The following GPR65 variants were observed in gnomAD, a reference collection of about 807,000 sequenced individuals.
The protein encoded by GPR65 is G protein-coupled receptor 65.
A neutral mutation model predicts 0.7 loss-of-function variants in GPR65; 2 were observed. That is an observed-to-expected ratio of 2.83 (90% CI 1.16 to 8.92). The LOEUF (loss-of-function observed/expected upper bound fraction) is 8.92, where lower values mean the gene tolerates loss of function less well. GPR65 is among the 30% of genes most tolerant of loss of function. GPR65 has a pLI of 0.04. For missense variants in GPR65, 379 were observed against 399.4 expected (o/e 0.95, Z 0.43); for synonymous variants, 128 against 146.5 (o/e 0.87, Z 0.91).
chr14:88,008,638 T>C (rs931784992), intron 1 of GPR65, among the ~76,000 whole-genome samples: 1 of 152,220 alleles, frequency 6.6e-6, no homozygotes, highest in Non-Finnish European at 1.5e-5. Flanking sequence ...GGTTAACATA[T>C]GTATGCGTTT....
At chr14:88,008,789 A>G (rs1473543224) in intron 1 of GPR65, among the ~76,000 whole-genome samples, 1 of 151,862 alleles carries the variant, frequency 6.6e-6, no homozygotes, top group Non-Finnish European at 1.5e-5. Flanking sequence ...TTTTCATTTC[A>G]TTTGTTGTGT....
chr14:88,010,416 C>A lies in GPR65; in HGVS notation c.-432C>A. On this transcript the variant is annotated 5_prime_UTR_variant, in exon 2 of 2. Transcript: ENST00000267549. ...GGAAAGGAATTTTAAAAGGAAATAC[C>A]AATCTCTGTGCAAACAAAGCCTTGT... is the stretch of plus-strand genomic sequence containing the variant. 1 of 156,616 alleles carries A rather than the reference C, an allele frequency of 6.4e-6. No homozygotes were observed. The highest frequency in any genetic ancestry group is 1.4e-5 in the Non-Finnish European group (1 of 70,644). The allele number at this position is 156,616 out of a possible 1,614,324, so 9.7% of individuals were successfully genotyped here.
At chr14:88,006,658 G>C (rs148432113) in intron 1 of GPR65, among the ~76,000 whole-genome samples, 1 of 151,922 alleles carries the variant, frequency 6.6e-6, no homozygotes, top group African/African-American at 2.4e-5. Flanking sequence ...TGAGTAACAC[G>C]GACAAAGGAG....
rs756976703 is a variant in GPR65, at chr14:88,011,895, A to C, written c.*34A>C. On this transcript the variant is annotated 3_prime_UTR_variant, in exon 2 of 2. Coordinates refer to ENST00000267549, the MANE Select transcript of GPR65 (RefSeq NM_003608.4). ...ATGTTTTGAAGGGAAGGGAAGTTTAAGTTATGCATTATTATATCATCAAGA... is the reference window on the plus strand; with the variant it reads ...ATGTTTTGAAGGGAAGGGAAGTTTACGTTATGCATTATTATATCATCAAGA... 13 of 1,413,102 alleles carry C rather than the reference A, an allele frequency of 9.2e-6. No individual in the cohort carries two copies. The East Asian group carries it at 2.5e-4, about 27-fold the overall frequency. The allele number at this position is 1,413,102 out of a possible 1,614,324, so 87.5% of individuals were successfully genotyped here.
At chr14:88,007,282 A>G (rs552386428) in intron 1 of GPR65, among the ~76,000 whole-genome samples, 35 of 152,148 alleles carry the variant, frequency 2.3e-4, no homozygotes, top group Non-Finnish European at 4.9e-4. Flanking sequence ...TCCATCCTCA[A>G]GATTCCTTCA....
rs571054746 is a variant in GPR65 at position 88,011,258 on chromosome 14, C to T, written c.411C>T (p.Ser137=). 1 of 1,613,884 alleles carries T rather than the reference C, an allele frequency of 6.2e-7. No individual in the cohort carries two copies. Among genetic ancestry groups the T allele is most frequent in the African/African-American group, 1.3e-5 (1 of 75,026 alleles). ...TRRFALMVSL[S]IWILETIFNA... is the part of the protein sequence containing the mutation. ...GATTTGCACTCATGGTCAGCCTGTC[C>T]ATCTGGATATTGGAAACCATCTTCA... The change falls in exon 2 of 2, where the codon TCC becomes TCT. Residue 137 remains serine (S), a synonymous_variant. Transcript: ENST00000267549.
chr14:88,011,703 G>A lies in GPR65; in HGVS notation c.856G>A (p.Asp286Asn). Residue 286 changes from aspartate (D) to asparagine (N), a missense_variant, in exon 2 of 2, where the codon GAT (aspartate) becomes AAT (asparagine). Asp to Asn is a conservative substitution (Grantham distance 23). Coordinates refer to ENST00000267549, the MANE Select transcript of GPR65 (RefSeq NM_003608.4). ...VALTSLNCVADPILYCFVTET... is the reference protein window; with the variant it reads ...VALTSLNCVANPILYCFVTET... ...ATTAACAAGTTTAAATTGTGTTGCT[G>A]ATCCAATTCTGTACTGTTTTGTAAC... 6.2e-7 allele frequency: 1 copy of A among 1,613,856 alleles called. No homozygotes were observed. Among genetic ancestry groups the A allele is most frequent in the Non-Finnish European group, 8.5e-7 (1 of 1,179,804 alleles).
chr14:88,007,611 A>G (rs954909303), intron 1 of GPR65, among the ~76,000 whole-genome samples: 13 of 150,056 alleles, frequency 8.7e-5, no homozygotes, highest in African/African-American at 2.4e-4. Context: ...TCATTTTTTA[A>G]TCTCTTCCTC....
At chr14:88,008,314 T>G (rs1887626824) in intron 1 of GPR65, among the ~76,000 whole-genome samples, 1 of 152,140 alleles carries the variant, frequency 6.6e-6, no homozygotes, top group African/African-American at 2.4e-5. Flanking sequence ...CATGCCCTCT[T>G]CCAACAGTAC....
chr14:88,008,053 A>T (rs1333639120), intron 1 of GPR65, among the ~76,000 whole-genome samples: 1 of 152,104 alleles, frequency 6.6e-6, no homozygotes, highest in Non-Finnish European at 1.5e-5. Context: ...ATAAGATCAG[A>T]TTTCTTAAAA....
intron 1 of GPR65, among the ~76,000 whole-genome samples, chr14:88,009,958 T>A (rs1411102005): frequency 1.3e-5 from 2 of 152,216 alleles, no homozygotes; most frequent in African/African-American, 4.8e-5. Context: ...ATAAGGTGAT[T>A]TTTGAAAGTG....
Position 88,010,894 on chromosome 14 carries a change from T to C in GPR65, c.47T>C (p.Leu16Ser). The change falls in exon 2 of 2, where the codon TTG becomes TCG. Residue 16 changes from leucine (L) to serine (S), a missense_variant. Transcript: ENST00000267549. ...GAACAGCATGACCTGGATCACTATT[T>C]GTTTCCCATTGTTTACATCTTTGTG... ...IEEQHDLDHY[L>S]FPIVYIFVII... 6.2e-7 allele frequency: 1 copy of C among 1,612,864 alleles called. No individual in the cohort carries two copies. The highest frequency in any genetic ancestry group is 8.5e-7 in the Non-Finnish European group (1 of 1,178,870).
rs1408642253 is a variant in GPR65 at position 88,014,082 on chromosome 14, A to C, written c.*2221A>C. 1 of 152,234 alleles carries C rather than the reference A, an allele frequency of 6.6e-6. No homozygotes were observed. Among genetic ancestry groups the C allele is most frequent in the African/African-American group, 2.4e-5 (1 of 41,452 alleles). The allele number at this position is 152,234 out of a possible 1,614,324, so 9.4% of individuals were successfully genotyped here. A position where few individuals can be genotyped will look rare whatever the true frequency, so the allele number is the denominator to read the frequency against. ...CTGGAAATGAATGGGGAAAATGCTG[A>C]AATCTCATTTGCACTATTCATTTCT... On this transcript the variant is annotated 3_prime_UTR_variant, in exon 2 of 2. Transcript: ENST00000267549.
intron 1 of GPR65, among the ~76,000 whole-genome samples, chr14:88,006,258 T>G (rs552645467): frequency 6.6e-6 from 1 of 152,200 alleles, no homozygotes; most frequent in Admixed American, 6.5e-5. Context: ...TAACGTACAG[T>G]GAATGCCTCC....
chr14:88,012,088 G>T lies in GPR65; in HGVS notation c.*227G>T. On this transcript the variant is annotated 3_prime_UTR_variant, in exon 2 of 2. Transcript: ENST00000267549. ...AGATCAATATTTTCTTAATGACTCA[G>T]GGTCTTTATTGTTAATGCCAATTGT... The T allele has an allele frequency of 2.6e-6, 1 of 382,884 alleles. No individual in the cohort carries two copies. The highest frequency in any genetic ancestry group is 4.9e-6 in the Non-Finnish European group (1 of 204,806). 23.7% of individuals were successfully genotyped at this position (382,884 alleles called of 1,614,324 possible). A position where few individuals can be genotyped will look rare whatever the true frequency, so the allele number is the denominator to read the frequency against.
chr14:88,011,924 C>A lies in GPR65; in HGVS notation c.*63C>A. The A allele has an allele frequency of 8.1e-7, 1 of 1,238,346 alleles. No individual in the cohort carries two copies. Among genetic ancestry groups the A allele is most frequent in the Non-Finnish European group, 1.1e-6 (1 of 883,860 alleles). 76.7% of individuals were successfully genotyped at this position (1,238,346 alleles called of 1,614,324 possible). On this transcript the variant is annotated 3_prime_UTR_variant, in exon 2 of 2. Transcript: ENST00000267549. ...ATGCATTATTATATCATCAAGATTACATTTTGAAAAGGAAATCTAGCATGT... is the reference window on the plus strand; with the variant it reads ...ATGCATTATTATATCATCAAGATTAAATTTTGAAAAGGAAATCTAGCATGT...
intron 1 of GPR65, among the ~76,000 whole-genome samples, chr14:88,009,256 A>G (rs1404346910): frequency 6.6e-6 from 1 of 151,940 alleles, no homozygotes; most frequent in Non-Finnish European, 1.5e-5. Flanking sequence ...CCTCCCTGAT[A>G]ACAGCTCCCA....
In GPR65 at chr14:88,014,541, A is replaced by G. The variant is rs984088109; in HGVS notation, c.*2680A>G. 2 of 152,224 alleles carry G rather than the reference A, an allele frequency of 1.3e-5. No individual in the cohort carries two copies. The highest frequency in any genetic ancestry group is 4.8e-5 in the African/African-American group (2 of 41,466). 9.4% of individuals were successfully genotyped at this position (152,224 alleles called of 1,614,324 possible). A position where few individuals can be genotyped will look rare whatever the true frequency, so the allele number is the denominator to read the frequency against. ...CAGTAATACAATCATGTTCTAATTT[A>G]CTAGCATTTGCATATTTTAGAAATA... On this transcript the variant is annotated 3_prime_UTR_variant, in exon 2 of 2. Coordinates refer to ENST00000267549, the MANE Select transcript of GPR65 (RefSeq NM_003608.4).
At chr14:88,007,474 A>C (rs1182460437) in intron 1 of GPR65, among the ~76,000 whole-genome samples, 2 of 151,606 alleles carry the variant, frequency 1.3e-5, no homozygotes, top group African/African-American at 4.8e-5. Context: ...TCTATCTTGC[A>C]ATATACAAAT....
Sources: allele counts gnomAD v4.1 joint callset (sites outside exome capture counted in the v4.1 genomes callset), GRCh38; gene constraint gnomAD v4.1.1; transcripts MANE v1.5; gene names NCBI Gene and HGNC (gene_info 2026-07-23, HGNC 2026-07-21).